The following ZNF292 variants were observed in gnomAD, a reference collection of about 807,000 sequenced individuals.
ZNF292 encodes 16 zinc-finger domain protein.
ZNF292 carries 26 observed loss-of-function variants against 217.9 expected under a neutral mutation model. The observed-to-expected ratio is 0.12, with a 90% CI of 0.09 to 0.17. The LOEUF is 0.17. Among genes scored for constraint, ZNF292 ranks in the 10% least tolerant of loss-of-function variants. The pLI, the probability that ZNF292 is intolerant of heterozygous loss-of-function variation, is 1.00. For synonymous variants in ZNF292, 1,257 were observed against 1,124.1 expected, an observed-to-expected ratio of 1.12 and a Z score of -2.37; for missense variants, 2,904 against 3,175.2, an observed-to-expected ratio of 0.91 and a Z score of 2.05.
intron 1 of ZNF292, among the ~76,000 whole-genome samples, chr6:87,203,498 A>G (rs1772155914): frequency 6.6e-6 from 1 of 152,000 alleles, no homozygotes; most frequent in Admixed American, 6.6e-5. Flanking sequence ...ACTAGGCCCA[A>G]AATACATTTA....
At chr6:87,236,396 T>G (rs908332319) in intron 5 of ZNF292, among the ~76,000 whole-genome samples, 1 of 138,756 alleles carries the variant, frequency 7.2e-6, no homozygotes, top group Non-Finnish European at 1.6e-5. Flanking sequence ...GTTGTTTTTT[T>G]TTTTTTTTTA....
At chr6:87,220,325 TG>T (rs1436724271) in intron 4 of ZNF292, among the ~76,000 whole-genome samples, 1 of 152,368 alleles carries the variant, frequency 6.6e-6, no homozygotes, top group East Asian at 1.9e-4. Flanking sequence ...GTTTGGAAAG[TG>T]CTTTTATATG....
intron 5 of ZNF292, among the ~76,000 whole-genome samples, chr6:87,239,946 G>A (rs1774172085): frequency 6.6e-6 from 1 of 152,014 alleles, no homozygotes; most frequent in Admixed American, 6.6e-5. Context: ...TTCCCAGACG[G>A]GGTGGCGGCC....
At chr6:87,163,970 T>C (rs1417445595) in intron 1 of ZNF292, among the ~76,000 whole-genome samples, 1 of 151,934 alleles carries the variant, frequency 6.6e-6, no homozygotes, top group Non-Finnish European at 1.5e-5. Context: ...TAAAGACTCA[T>C]CCTTCTGAGT....
chr6:87,216,150 CACACACAA>C, intron 2 of ZNF292, 93 bp downstream of exon 2: 2 of 1,134,638 alleles, frequency 1.8e-6, no homozygotes, highest in Non-Finnish European at 2.5e-6. Flanking sequence ...CACACACACA[CACACACAA>C]CATTAAATCT....
At chr6:87,221,754 T>A in intron 4 of ZNF292, among the ~76,000 whole-genome samples, 1 of 152,168 alleles carries the variant, frequency 6.6e-6, no homozygotes, top group East Asian at 1.9e-4. Context: ...CAATCGTGAT[T>A]CCTCTTTTTT....
At chr6:87,236,980 G>A (rs1330671855) in intron 5 of ZNF292, among the ~76,000 whole-genome samples, 1 of 152,168 alleles carries the variant, frequency 6.6e-6, no homozygotes, top group East Asian at 1.9e-4. Context: ...ATTTCTGGAA[G>A]TGAAATTGCT....
chr6:87,238,690 T>TA (rs202124791), intron 5 of ZNF292, among the ~76,000 whole-genome samples: 3,274 of 131,624 alleles, frequency 0.025, 135 homozygotes, highest in African/African-American at 0.098. Flanking sequence ...GATTTATATA[T>TA]TTTTTTTTTA....
chr6:87,211,827 C>T (rs1178142670), intron 1 of ZNF292, among the ~76,000 whole-genome samples: 1 of 152,052 alleles, frequency 6.6e-6, no homozygotes, highest in East Asian at 1.9e-4. Context: ...TTGTCTTTTC[C>T]CCTCTATGCC....
intron 1 of ZNF292, among the ~76,000 whole-genome samples, chr6:87,198,432 C>T (rs1250350117): frequency 1.3e-5 from 2 of 152,080 alleles, no homozygotes; most frequent in African/African-American, 4.8e-5. Flanking sequence ...TCTTGATCTC[C>T]TCACCTCGTG....
intron 5 of ZNF292, among the ~76,000 whole-genome samples, chr6:87,241,698 G>A (rs927599303): frequency 3.9e-5 from 6 of 152,292 alleles, no homozygotes; most frequent in African/African-American, 1.4e-4. Flanking sequence ...TGGATTACAG[G>A]CGTGAGCCAC....
chr6:87,194,230 TTAAA>T (rs1435817966), intron 1 of ZNF292, among the ~76,000 whole-genome samples: 1 of 151,812 alleles, frequency 6.6e-6, no homozygotes. Flanking sequence ...AAAGGGGAGA[TTAAA>T]TGATAAATAT....
At position 87,259,730 on chromosome 6, in the gene ZNF292, G is replaced by C; in HGVS notation, c.6101G>C (p.Ser2034Thr). 1 of 1,603,630 alleles carries C rather than the reference G, an allele frequency of 6.2e-7. No individual in the cohort carries two copies. The highest frequency in any genetic ancestry group is 1.1e-5 in the South Asian group (1 of 89,326). ...ELRAETQNTH[S>T]NVAVIPEKQL... ...AGAGCAGAGACCCAAAATACCCACAGTAATGTAGCAGTGATCCCAGAAAAA... is the reference window on the plus strand; with the variant it reads ...AGAGCAGAGACCCAAAATACCCACACTAATGTAGCAGTGATCCCAGAAAAA... Residue 2034 changes from serine to threonine, a missense_variant, in exon 8 of 8, where the codon AGT (serine) becomes ACT (threonine). Physicochemically the swap from Ser to Thr is moderately conservative, Grantham distance 58. Coordinates refer to ENST00000369577, the MANE Select transcript of ZNF292 (RefSeq NM_015021.3).
At chr6:87,240,372 T>C (rs1271713282) in intron 5 of ZNF292, among the ~76,000 whole-genome samples, 1 of 34,294 alleles carries the variant, frequency 2.9e-5, no homozygotes, top group Non-Finnish European at 5.4e-5. Flanking sequence ...CCCGTGGCGG[T>C]GGGTGGGGGA....
intron 1 of ZNF292, among the ~76,000 whole-genome samples, chr6:87,214,095 G>A (rs1772621309): frequency 6.6e-6 from 1 of 152,166 alleles, no homozygotes; most frequent in African/African-American, 2.4e-5. Flanking sequence ...GGGATTATAT[G>A]TATAATAGTG....
Position 87,265,825 on chromosome 6 carries a change from A to T in ZNF292, c.*4024A>T, listed in dbSNP as rs1276078221. ...TCAATTTATATATCCCAATGGGTTG[A>T]TTCCTTTGCTGTATTGGTTGTTAAT... On this transcript the variant is annotated 3_prime_UTR_variant, in exon 8 of 8. Coordinates refer to ENST00000369577, the MANE Select transcript of ZNF292 (RefSeq NM_015021.3). Among the ~76,000 whole-genome samples, 1 of 152,192 alleles carries T rather than the reference A, an allele frequency of 6.6e-6. No individual in the cohort carries two copies. The highest frequency in any genetic ancestry group is 1.5e-5 in the Non-Finnish European group (1 of 68,032).
chr6:87,198,180 T>TTTTATTTA lies in ZNF292; in HGVS notation c.169-17691_169-17684dup, dbSNP rs146558783. On this transcript the variant is annotated intron_variant, in intron 1 of 7. Transcript: ENST00000369577. ...TAACCAAGTCACCATTGCATGTTTA[T>TTTTATTTA]TTTATTTATTTATTTATTTATTTAT... 1.2e-3 allele frequency among the ~76,000 whole-genome samples: 175 copies of TTTTATTTA among 147,626 alleles called. 1 individual carries two copies. Among genetic ancestry groups the TTTTATTTA allele is most frequent in the African/African-American group, 1.9e-3 (76 of 39,606 alleles).
At chr6:87,226,995 TATA>T (rs1417258416) in intron 4 of ZNF292, among the ~76,000 whole-genome samples, 4 of 152,146 alleles carry the variant, frequency 2.6e-5, no homozygotes, top group African/African-American at 7.2e-5. Flanking sequence ...GGGTATATTT[TATA>T]ATGTTACATG....
Position 87,265,495 on chromosome 6 carries a change from C to T in ZNF292, c.*3694C>T, listed in dbSNP as rs934199919. Reference sequence around the variant, plus strand: ...TCCACCTCCCAAAGTGCAGGTATTACAAGCATGAGCCACCACACCCAGCCT... The same window carrying T: ...TCCACCTCCCAAAGTGCAGGTATTATAAGCATGAGCCACCACACCCAGCCT... On this transcript the variant is annotated 3_prime_UTR_variant, in exon 8 of 8. Transcript: ENST00000369577. 6.6e-6 allele frequency among the ~76,000 whole-genome samples: 1 copy of T among 152,138 alleles called. No homozygotes were observed. The highest frequency in any genetic ancestry group is 6.5e-5 in the Admixed American group (1 of 15,284).
Sources: allele counts gnomAD v4.1 joint callset (sites outside exome capture counted in the v4.1 genomes callset), GRCh38; gene constraint gnomAD v4.1.1; transcripts MANE v1.5; gene names NCBI Gene and HGNC (gene_info 2026-07-23, HGNC 2026-07-21).